The following CD55 variants were observed in gnomAD, a reference collection of about 807,000 sequenced individuals.
CD55 encodes the protein CD55 molecule (Cromer blood group), also known as complement decay-accelerating factor.
CD55 carries 41 observed loss-of-function variants against 45.8 expected under a neutral mutation model. The observed-to-expected ratio is 0.90, with a 90% CI of 0.70 to 1.16. The LOEUF (loss-of-function observed/expected upper bound fraction) is 1.16. Ranked by LOEUF, CD55 falls within the 50% of genes most tolerant of loss-of-function variation. The probability of loss-of-function intolerance (pLI) is 0.00; values close to 1 mark genes in which losing one functional copy is unlikely to be tolerated. For missense variants in CD55, 416 were observed against 469.8 expected, an observed-to-expected ratio of 0.89 and a Z score of 1.06; for synonymous variants, 181 against 181.1, an observed-to-expected ratio of 1.00 and a Z score of 0.01.
Position 207,322,424 on chromosome 1 carries a change from CT to C in CD55, c.146del (p.Leu49TrpfsTer12). 6.2e-7 allele frequency: 1 copy of C among 1,614,196 alleles called. No homozygotes were observed. ...LPPDVPNAQP[A>X]LEGRTSFPED... Reference sequence around the variant, plus strand: ...CCAGATGTACCTAATGCCCAGCCAGCTTTGGAAGGCCGTACAAGTTTTCCCG... The same window carrying C: ...CCAGATGTACCTAATGCCCAGCCAGCTTGGAAGGCCGTACAAGTTTTCCCG... On this transcript the variant is annotated frameshift_variant, in exon 2 of 10. Coordinates refer to ENST00000367064, the MANE Select transcript of CD55 (RefSeq NM_000574.5). LOFTEE classifies it high-confidence loss of function.
rs879246194 is a variant in CD55, at chr1:207,325,621, G to A, written c.479-1G>A. 1.3e-6 allele frequency: 2 copies of A among 1,589,136 alleles called. No individual in the cohort carries two copies. Among genetic ancestry groups the A allele is most frequent in the Non-Finnish European group, 1.7e-6 (2 of 1,158,874 alleles). ...AAAAATCAATTTGTATTCTATTCTA[G>A]AGAAATCATGCCCTAATCCGGGAGA... On this transcript the variant is annotated splice_acceptor_variant, in intron 3 of 9. Transcript: ENST00000367064. LOFTEE classifies it high-confidence loss of function.
intron 9 of CD55, among the ~76,000 whole-genome samples, chr1:207,352,176 G>A (rs867543498): frequency 9.9e-4 from 150 of 151,496 alleles, no homozygotes; most frequent in African/African-American, 3.4e-3. Flanking sequence ...CCTTGTAAAT[G>A]AAGCATGTGT....
chr1:207,330,014 T>C (rs921734583), intron 5 of CD55, among the ~76,000 whole-genome samples: 1 of 138,504 alleles, frequency 7.2e-6, no homozygotes, highest in Non-Finnish European at 1.6e-5. Context: ...TTGCATTTTT[T>C]ATTGAAATCA....
At position 207,325,702 on chromosome 1, in the gene CD55, T is replaced by A. The variant is rs1276589725; in HGVS notation, c.559T>A (p.Ser187Thr). 1.9e-6 allele frequency: 3 copies of A among 1,606,140 alleles called. No individual in the cohort carries two copies. The highest frequency in any genetic ancestry group is 2.6e-6 in the Non-Finnish European group (3 of 1,173,714). Reference sequence around the variant, plus strand: ...TGGCATATTATTTGGTGCAACCATCTCCTTCTCATGTAACACAGGGTAAGT... The same window carrying A: ...TGGCATATTATTTGGTGCAACCATCACCTTCTCATGTAACACAGGGTAAGT... ...PGGILFGATISFSCNTGYKLF... is the reference protein window; with the variant it reads ...PGGILFGATITFSCNTGYKLF... The change falls in exon 4 of 10, where the codon TCC becomes ACC. Residue 187 changes from serine to threonine, a missense_variant. Ser to Thr is a moderately conservative substitution (Grantham distance 58, BLOSUM62 1). Around this residue, in one of 3 missense-constraint regions of CD55, gnomAD observed 111 missense variants for 163.4 expected, o/e 0.68. Transcript: ENST00000367064.
intron 9 of CD55, chr1:207,347,433 G>T (rs1216049130): frequency 1.1e-5 from 4 of 350,238 alleles, no homozygotes; most frequent in Non-Finnish European, 2.2e-5. Context: ...CTAATTTTTT[G>T]TATTTTTCAG....
At chr1:207,329,733 T>C (rs1169936017) in intron 5 of CD55, among the ~76,000 whole-genome samples, 3 of 152,042 alleles carry the variant, frequency 2.0e-5, no homozygotes, top group African/African-American at 7.2e-5. Context: ...CACCTCAGCC[T>C]CCCTTGTAGC....
At chr1:207,335,276 T>G (rs1655118388) in intron 6 of CD55, among the ~76,000 whole-genome samples, 1 of 152,154 alleles carries the variant, frequency 6.6e-6, no homozygotes, top group African/African-American at 2.4e-5. Flanking sequence ...TAAACATATA[T>G]ACATATGAGA....
chr1:207,326,526 T>C (rs1425696802), intron 4 of CD55, among the ~76,000 whole-genome samples: 1 of 152,224 alleles, frequency 6.6e-6, no homozygotes, highest in African/African-American at 2.4e-5. Context: ...ATATTCCCCA[T>C]GCAAATAAAA....
Position 207,359,694 on chromosome 1 carries a change from A to G in CD55, c.*84A>G. The G allele has an allele frequency of 6.7e-7, 1 of 1,497,316 alleles. No individual in the cohort carries two copies. The highest frequency in any genetic ancestry group is 8.9e-7 in the Non-Finnish European group (1 of 1,124,174). 92.8% of individuals were successfully genotyped at this position (1,497,316 alleles called of 1,614,324 possible). A position where few individuals can be genotyped will look rare whatever the true frequency, so the allele number is the denominator to read the frequency against. ...GACTTATCTGCATATTGGATAAAATAAATGCAATTGTGCTCTTCATTTAGG... is the reference window on the plus strand; with the variant it reads ...GACTTATCTGCATATTGGATAAAATGAATGCAATTGTGCTCTTCATTTAGG... On this transcript the variant is annotated 3_prime_UTR_variant, in exon 10 of 10. Coordinates refer to ENST00000367064, the MANE Select transcript of CD55 (RefSeq NM_000574.5).
At chr1:207,353,223 A>G (rs1655950752) in intron 9 of CD55, among the ~76,000 whole-genome samples, 1 of 151,548 alleles carries the variant, frequency 6.6e-6, no homozygotes, top group Non-Finnish European at 1.5e-5. Context: ...AGACAATACA[A>G]CCCAAATTGG....
Position 207,321,833 on chromosome 1 carries a change from T to A in CD55, c.68T>A (p.Leu23Gln). 6.5e-7 allele frequency: 1 copy of A among 1,529,996 alleles called. No homozygotes were observed. The highest frequency in any genetic ancestry group is 8.7e-7 in the Non-Finnish European group (1 of 1,144,044). 94.8% of individuals were successfully genotyped at this position (1,529,996 alleles called of 1,614,324 possible). The part of the protein sequence containing the change: ...PLLGELPRLL[L>Q]LVLLCLPAVW... ...CTCGGGGAGCTGCCCCGGCTGCTGC[T>A]GCTGGTGCTGTTGTGCCTGCCGGCC... The change falls in exon 1 of 10, where the codon CTG becomes CAG. Residue 23 changes from leucine (L) to glutamine (Q), a missense_variant. By Grantham distance (113) the Leu-to-Gln change is moderately radical (BLOSUM62 -2). This residue lies in a region of CD55 where 123 missense variants were observed against 105.1 expected (regional missense o/e 1.17). Coordinates refer to ENST00000367064, the MANE Select transcript of CD55 (RefSeq NM_000574.5).
chr1:207,357,760 G>T (rs1448275481), intron 9 of CD55, among the ~76,000 whole-genome samples: 1 of 152,120 alleles, frequency 6.6e-6, no homozygotes, highest in African/African-American at 2.4e-5. Flanking sequence ...ATCCTCGGTT[G>T]GGGGGCAGGG....
chr1:207,323,287 G>A (rs1654515142), intron 2 of CD55, among the ~76,000 whole-genome samples: 1 of 150,822 alleles, frequency 6.6e-6, no homozygotes, highest in South Asian at 2.1e-4. Context: ...ATATATATAG[G>A]GAGAGAGATA....
chr1:207,342,067 ATTGATTT>A (rs1655450166), intron 9 of CD55, among the ~76,000 whole-genome samples: 1 of 151,904 alleles, frequency 6.6e-6, no homozygotes, highest in South Asian at 2.1e-4. Context: ...TAGAAATGTT[ATTGATTT>A]TTGTATGTTG....
rs543739965 is a variant in CD55 at position 207,339,736 on chromosome 1, AAACAT to A, written c.1081+323_1081+327del. On this transcript the variant is annotated intron_variant, in intron 9 of 9. Coordinates refer to ENST00000367064, the MANE Select transcript of CD55 (RefSeq NM_000574.5). ...ACATTTCACTAAGTAACCTTTATAA[AAACAT>A]AACCATGTAGCATACCTAAAAAAAT... 2.7e-3 allele frequency among the ~76,000 whole-genome samples: 412 copies of A among 152,310 alleles called. 1 individual carries two copies. Among genetic ancestry groups the A allele is most frequent in the Admixed American group, 5.9e-3 (90 of 15,300 alleles).
chr1:207,353,334 G>A (rs1655956244), intron 9 of CD55, among the ~76,000 whole-genome samples: 1 of 152,038 alleles, frequency 6.6e-6, no homozygotes. Context: ...GGGACTAATA[G>A]ATCAATTTAA....
At chr1:207,347,641 G>T (rs1241211753) in intron 9 of CD55, 1 of 185,620 alleles carries the variant, frequency 5.4e-6, no homozygotes, top group African/African-American at 2.4e-5. Flanking sequence ...GGTAAATTGT[G>T]TGTCATTAGG....
rs771945904 is a variant in CD55, at chr1:207,336,747, A to G, written c.908A>G (p.Asn303Ser). Residue 303 changes from asparagine to serine, a missense_variant, in exon 7 of 10, where the codon AAT (asparagine) becomes AGT (serine). By Grantham distance (46) the Asn-to-Ser change is conservative. Around this residue, in one of 3 missense-constraint regions of CD55, gnomAD observed 182 missense variants for 201.4 expected, o/e 0.90. Transcript: ENST00000367064. Reference sequence around the variant, plus strand: ...ACAGTTCAGAAACCTACCACAGTAAATGTTCCAACTACAGAAGTCTCACCA... The same window carrying G: ...ACAGTTCAGAAACCTACCACAGTAAGTGTTCCAACTACAGAAGTCTCACCA... ...PPTVQKPTTVNVPTTEVSPTS... is the reference protein window; with the variant it reads ...PPTVQKPTTVSVPTTEVSPTS... 2.5e-6 allele frequency: 4 copies of G among 1,613,808 alleles called. No homozygotes were observed. The highest frequency in any genetic ancestry group is 2.7e-5 in the African/African-American group (2 of 74,892).
At chr1:207,326,694 A>C in intron 4 of CD55, 58 bp from the exon 5 acceptor site, 1 of 1,261,258 alleles carries the variant, frequency 7.9e-7, no homozygotes. Flanking sequence ...GGAGAATTTG[A>C]GGAAAGTCAA....
Sources: gnomAD v4.1 joint callset for allele counts (sites outside exome capture counted in the v4.1 genomes callset) on GRCh38, gnomAD v4.1.1 for gene constraint, gnomAD v4.1.1 regional missense constraint, MANE v1.5 for transcripts, NCBI Gene and HGNC (gene_info 2026-07-23, HGNC 2026-07-21) for gene names.